The following DNAH5 variants were observed in gnomAD, a reference collection of about 807,000 sequenced individuals.
DNAH5 encodes axonemal beta dynein heavy chain 5.
DNAH5 carries 372 observed loss-of-function variants against 518.2 expected under a neutral mutation model. That is an observed-to-expected ratio of 0.72 (90% CI 0.66 to 0.78). The LOEUF is 0.78. Ranked by LOEUF, DNAH5 falls within the 30% of genes least tolerant of loss-of-function variation. The pLI is 0.00. For synonymous variants in DNAH5, 2,039 were observed against 2,025.9 expected (o/e 1.01, Z -0.17); for missense variants, 5,523 against 5,687.0 (o/e 0.97, Z 0.93).
chr5:13,837,287 T>C (rs2151852250), intron 35 of DNAH5, among the ~76,000 whole-genome samples: 1 of 152,334 alleles, frequency 6.6e-6, no homozygotes, highest in East Asian at 1.9e-4. Flanking sequence ...GGAGAGAAAC[T>C]GTGCTTTTGA....
At chr5:13,956,868 C>T (rs1780796821) in intron 1 of DNAH5, among the ~76,000 whole-genome samples, 1 of 152,134 alleles carries the variant, frequency 6.6e-6, no homozygotes, top group African/African-American at 2.4e-5. Context: ...ATCAACTTAC[C>T]ATGGCTCAGC....
chr5:13,726,888 A>G (rs924985834), intron 70 of DNAH5, among the ~76,000 whole-genome samples: 2 of 152,242 alleles, frequency 1.3e-5, no homozygotes, highest in Non-Finnish European at 2.9e-5. Context: ...ACTTTTCATC[A>G]TAAAGGCAAG....
At chr5:13,978,744 G>C (rs530827165) in intron 1 of DNAH5, among the ~76,000 whole-genome samples, 4 of 152,264 alleles carry the variant, frequency 2.6e-5, no homozygotes, top group Admixed American at 2.0e-4. Context: ...AGGATATGCA[G>C]GCTATAGCAT....
At chr5:13,851,048 A>G (rs764767552) in intron 30 of DNAH5, among the ~76,000 whole-genome samples, 4 of 152,208 alleles carry the variant, frequency 2.6e-5, no homozygotes, top group Non-Finnish European at 5.9e-5. Context: ...CCATTATGTT[A>G]AGTTACAACA....
At chr5:13,969,971 G>A (rs1016737105) in intron 1 of DNAH5, among the ~76,000 whole-genome samples, 4 of 152,206 alleles carry the variant, frequency 2.6e-5, no homozygotes, top group African/African-American at 7.2e-5. Flanking sequence ...AAATTTGGGA[G>A]CTCCAGTGTT....
At chr5:13,709,262 A>G (rs2126461579) in intron 75 of DNAH5, among the ~76,000 whole-genome samples, 1 of 152,324 alleles carries the variant, frequency 6.6e-6, no homozygotes, top group South Asian at 2.1e-4. Flanking sequence ...AGGGAAAAAT[A>G]CAAAGAAATA....
chr5:13,745,813 G>A (rs900676741), intron 65 of DNAH5, among the ~76,000 whole-genome samples: 7 of 151,834 alleles, frequency 4.6e-5, no homozygotes, highest in Non-Finnish European at 5.9e-5. Context: ...TCTTCCTAAC[G>A]TCAACAGCTC....
intron 1 of DNAH5, among the ~76,000 whole-genome samples, chr5:13,995,493 T>C (rs1416621703): frequency 6.6e-6 from 1 of 152,060 alleles, no homozygotes; most frequent in Admixed American, 6.6e-5. Context: ...TTATGCAAAC[T>C]GAAGGGTCCA....
chr5:13,853,185 T>C (rs1460479056), intron 30 of DNAH5, among the ~76,000 whole-genome samples: 1 of 152,170 alleles, frequency 6.6e-6, no homozygotes. Flanking sequence ...CAGGCAGCAA[T>C]CTTTGCTGTT....
intron 22 of DNAH5, among the ~76,000 whole-genome samples, chr5:13,874,430 T>C (rs1376448548): frequency 6.6e-6 from 1 of 152,166 alleles, no homozygotes; most frequent in East Asian, 1.9e-4. Context: ...GAAAATGACC[T>C]CAGTAGGAAA....
intron 1 of DNAH5, among the ~76,000 whole-genome samples, chr5:13,997,847 AT>A (rs570297298): frequency 0.029 from 4,213 of 144,326 alleles, 82 homozygotes; most frequent in South Asian, 0.051. Flanking sequence ...TCACAATTCT[AT>A]TTTTTTTTTT....
At chr5:13,700,269 A>G (rs1741915737) in intron 78 of DNAH5, among the ~76,000 whole-genome samples, 1 of 152,172 alleles carries the variant, frequency 6.6e-6, no homozygotes, top group South Asian at 2.1e-4. Context: ...AGCTCAGTCC[A>G]GGCCCAAATG....
chr5:13,701,485 A>C, intron 76 of DNAH5, 49 bp from the exon 77 acceptor site: 2 of 1,489,616 alleles, frequency 1.3e-6, no homozygotes, highest in South Asian at 1.1e-5. Flanking sequence ...TTAATACTGC[A>C]GTGTAAACCA....
chr5:13,774,666 T>C (rs1753823216), intron 55 of DNAH5, among the ~76,000 whole-genome samples: 1 of 152,078 alleles, frequency 6.6e-6, no homozygotes, highest in Non-Finnish European at 1.5e-5. Context: ...TGCATGAAGG[T>C]TGGGATATTT....
intron 1 of DNAH5, among the ~76,000 whole-genome samples, chr5:13,937,914 A>C (rs2152019930): frequency 6.6e-6 from 1 of 152,304 alleles, no homozygotes; most frequent in Middle Eastern, 3.4e-3. Flanking sequence ...ATTGTAAATA[A>C]TGTATTCTAT....
At chr5:13,758,201 G>C (rs933639366) in intron 61 of DNAH5, among the ~76,000 whole-genome samples, 1 of 152,110 alleles carries the variant, frequency 6.6e-6, no homozygotes, top group Non-Finnish European at 1.5e-5. Flanking sequence ...GCTCTAAAGT[G>C]AGAACAAAGA....
intron 59 of DNAH5, among the ~76,000 whole-genome samples, chr5:13,764,438 AC>A (rs1752228859): frequency 6.6e-6 from 1 of 152,230 alleles, no homozygotes; most frequent in African/African-American, 2.4e-5. Context: ...AGCAACTCCA[AC>A]AGGCACTTAA....
intron 32 of DNAH5, among the ~76,000 whole-genome samples, chr5:13,842,492 A>C (rs752594749): frequency 0.2 from 18,282 of 90,156 alleles, 4,673 homozygotes; most frequent in East Asian, 0.54. Context: ...AGAGAAAGAA[A>C]AGAAAGAAAG....
chr5:13,876,958 A>G, intron 21 of DNAH5, 141 bp from the exon 22 acceptor site: 1 of 865,540 alleles, frequency 1.2e-6, no homozygotes, highest in Non-Finnish European at 1.8e-6. Context: ...TAATGGAAAG[A>G]GTTGTCAATG....
Sources: gnomAD v4.1 joint callset for allele counts (sites outside exome capture counted in the v4.1 genomes callset) on GRCh38, gnomAD v4.1.1 for gene constraint, MANE v1.5 for transcripts, NCBI Gene and HGNC (gene_info 2026-07-23, HGNC 2026-07-21) for gene names.